CCSER1: variants seen among roughly 807,000 people sequenced by gnomAD.
The protein encoded by CCSER1 is coiled-coil serine rich protein 1, also known as serine-rich coiled-coil domain-containing protein 1.
A neutral mutation model predicts 82.0 loss-of-function variants in CCSER1; 41 were observed. The ratio of observed to expected loss-of-function variants is 0.50; its 90% CI spans 0.39 to 0.65. CCSER1 has a LOEUF of 0.65. Among genes scored for constraint, CCSER1 ranks in the 30% least tolerant of loss-of-function variants. The pLI is 0.00. For synonymous variants in CCSER1, 414 were observed against 383.9 expected (o/e 1.08, Z -0.92); for missense variants, 1,119 against 1,064.2 (o/e 1.05, Z -0.72).
intron 9 of CCSER1, among the ~76,000 whole-genome samples, chr4:91,054,427 C>CT (rs1743263675): frequency 6.6e-6 from 1 of 152,062 alleles, no homozygotes; most frequent in African/African-American, 2.4e-5. Flanking sequence ...GTTATATCCT[C>CT]TTGGTTTATT....
intron 9 of CCSER1, among the ~76,000 whole-genome samples, chr4:90,941,294 C>A (rs1014552398): frequency 6.6e-6 from 1 of 151,934 alleles, no homozygotes; most frequent in Non-Finnish European, 1.5e-5. Flanking sequence ...AATGTAGGCA[C>A]TTATCATTGT....
chr4:90,409,496 A>C (rs1284644177), intron 4 of CCSER1, among the ~76,000 whole-genome samples: 1 of 152,202 alleles, frequency 6.6e-6, no homozygotes, highest in South Asian at 2.1e-4. Flanking sequence ...AAAGAAAAGA[A>C]TTTTCAACCC....
At chr4:90,276,116 A>G (rs956121758) in intron 1 of CCSER1, among the ~76,000 whole-genome samples, 5 of 152,026 alleles carry the variant, frequency 3.3e-5, no homozygotes, top group African/African-American at 1.2e-4. Flanking sequence ...ATGAGTCTCA[A>G]TGAGAAAACC....
intron 7 of CCSER1, among the ~76,000 whole-genome samples, chr4:90,772,090 C>T (rs1752262697): frequency 6.6e-6 from 1 of 152,044 alleles, no homozygotes; most frequent in South Asian, 2.1e-4. Context: ...AAGCCACTAA[C>T]ATTTGTGTTA....
chr4:91,562,077 G>A (rs1312005822), intron 10 of CCSER1, among the ~76,000 whole-genome samples: 1 of 151,398 alleles, frequency 6.6e-6, no homozygotes, highest in African/African-American at 2.4e-5. Context: ...GTACTCCACT[G>A]ATGATGTGTC....
intron 4 of CCSER1, among the ~76,000 whole-genome samples, chr4:90,439,724 A>G (rs1006473341): frequency 1.3e-5 from 2 of 152,204 alleles, no homozygotes; most frequent in African/African-American, 4.8e-5. Flanking sequence ...AAAGTCTTCA[A>G]TAGACTAATC....
chr4:91,001,186 A>C (rs141030106), intron 9 of CCSER1, among the ~76,000 whole-genome samples: 36 of 152,078 alleles, frequency 2.4e-4, no homozygotes, highest in African/African-American at 7.2e-4. Flanking sequence ...TTTGTTTTTA[A>C]TTTTGTTTAT....
At chr4:90,279,051 A>G (rs559497455) in intron 1 of CCSER1, among the ~76,000 whole-genome samples, 23 of 152,180 alleles carry the variant, frequency 1.5e-4, no homozygotes, top group African/African-American at 5.5e-4. Context: ...GTTTTACATT[A>G]TATTCTATAA....
At chr4:91,596,306 A>G (rs1764574963) in intron 10 of CCSER1, among the ~76,000 whole-genome samples, 1 of 151,950 alleles carries the variant, frequency 6.6e-6, no homozygotes, top group African/African-American at 2.4e-5. Flanking sequence ...AATGAAGTCT[A>G]CTCCTACCAT....
intron 10 of CCSER1, among the ~76,000 whole-genome samples, chr4:91,213,184 GATC>G (rs1736971388): frequency 6.6e-6 from 1 of 152,006 alleles, no homozygotes; most frequent in Admixed American, 6.6e-5. Flanking sequence ...TGGAACTGGA[GATC>G]ATTACGTCAA....
chr4:90,505,843 G>A lies in CCSER1; in HGVS notation c.1724+37489G>A, dbSNP rs187428494. On this transcript the variant is annotated intron_variant, in intron 5 of 10. Transcript: ENST00000509176. ...GCAGATTTTCGCCAACTTCTTTACC[G>A]CATCCTGTTTTATCAGTATGGTCTT... Among the ~76,000 whole-genome samples, 36 of 152,112 alleles carry A rather than the reference G, an allele frequency of 2.4e-4. No homozygotes were observed. In the East Asian group the frequency reaches 2.5e-3, roughly 11 times the overall value.
chr4:91,077,761 C>T (rs889841037), intron 9 of CCSER1, among the ~76,000 whole-genome samples: 1 of 152,210 alleles, frequency 6.6e-6, no homozygotes, highest in Non-Finnish European at 1.5e-5. Context: ...CTGCACTTTT[C>T]CAATGGTCTT....
intron 9 of CCSER1, among the ~76,000 whole-genome samples, chr4:91,024,824 T>A (rs1248628144): frequency 6.6e-6 from 1 of 152,068 alleles, no homozygotes; most frequent in Non-Finnish European, 1.5e-5. Flanking sequence ...AATAAGCAGG[T>A]ATGACTTTAA....
intron 7 of CCSER1, among the ~76,000 whole-genome samples, chr4:90,765,496 C>A (rs1164922574): frequency 1.3e-5 from 2 of 152,036 alleles, no homozygotes; most frequent in Non-Finnish European, 2.9e-5. Flanking sequence ...TAAGAAATAA[C>A]ATAAAAACCT....
intron 10 of CCSER1, among the ~76,000 whole-genome samples, chr4:91,212,360 A>G (rs1258331110): frequency 6.6e-6 from 1 of 151,980 alleles, no homozygotes; most frequent in Non-Finnish European, 1.5e-5. Flanking sequence ...GTGGAGATGC[A>G]TCCACATTCT....
chr4:90,925,802 G>A (rs1450938294), intron 9 of CCSER1, among the ~76,000 whole-genome samples: 1 of 152,020 alleles, frequency 6.6e-6, no homozygotes, highest in African/African-American at 2.4e-5. Flanking sequence ...TTACTGTATT[G>A]AATTAAGGTT....
intron 9 of CCSER1, among the ~76,000 whole-genome samples, chr4:91,007,002 C>A (rs1738577442): frequency 6.6e-6 from 1 of 152,134 alleles, no homozygotes; most frequent in African/African-American, 2.4e-5. Context: ...ATAGAATTTT[C>A]TCAAATGCTT....
intron 7 of CCSER1, among the ~76,000 whole-genome samples, chr4:90,732,108 C>T (rs1485794945): frequency 6.8e-6 from 1 of 147,812 alleles, no homozygotes; most frequent in Non-Finnish European, 1.5e-5. Flanking sequence ...CTCAGCCTCT[C>T]CATGGACTAG....
At chr4:91,384,898 C>A (rs1413622152) in intron 10 of CCSER1, among the ~76,000 whole-genome samples, 1 of 151,978 alleles carries the variant, frequency 6.6e-6, no homozygotes, top group African/African-American at 2.4e-5. Context: ...CACTGAGATA[C>A]CTATGATATT....
Sources: allele counts gnomAD v4.1 joint callset (sites outside exome capture counted in the v4.1 genomes callset), GRCh38; gene constraint gnomAD v4.1.1; transcripts MANE v1.5; gene names NCBI Gene and HGNC (gene_info 2026-07-23, HGNC 2026-07-21).